The following STK33 variants were observed in gnomAD, a reference collection of about 807,000 sequenced individuals.
The protein encoded by STK33 is serine/threonine kinase 33.
In STK33, 52 loss-of-function variants were observed where a neutral mutation model predicts 58.0. That is an observed-to-expected ratio of 0.90 (90% CI 0.72 to 1.13). The LOEUF is 1.13. STK33 is among the 50% of genes most tolerant of loss of function. STK33 has a pLI of 0.00. For missense variants in STK33, 630 were observed against 604.2 expected (o/e 1.04, Z -0.45); for synonymous variants, 215 against 200.1 (o/e 1.07, Z -0.63).
intron 6 of STK33, among the ~76,000 whole-genome samples, chr11:8,469,460 T>C (rs888025085): frequency 1.3e-5 from 2 of 152,212 alleles, no homozygotes; most frequent in Non-Finnish European, 2.9e-5. Context: ...GTTTCCATTA[T>C]ATCTATAGTT....
chr11:8,526,987 T>C (rs1262418537), intron 1 of STK33, among the ~76,000 whole-genome samples: 2 of 150,652 alleles, frequency 1.3e-5, no homozygotes, highest in Non-Finnish European at 3.0e-5. Flanking sequence ...TTTTTTTTTT[T>C]TGAGATTGAG....
At chr11:8,497,941 G>A (rs987719447) in intron 1 of STK33, among the ~76,000 whole-genome samples, 25 of 152,068 alleles carry the variant, frequency 1.6e-4, no homozygotes, top group Non-Finnish European at 2.8e-4. Flanking sequence ...TTTCCCTTAT[G>A]AGTATAAATG....
chr11:8,415,712 C>T (rs1484282255), intron 14 of STK33, among the ~76,000 whole-genome samples: 3 of 152,064 alleles, frequency 2.0e-5, no homozygotes, highest in Admixed American at 1.3e-4. Flanking sequence ...CTCTAAGAAG[C>T]CTTAAAAAGA....
chr11:8,341,547 T>C, the STK33 span, among the ~76,000 whole-genome samples: 1 of 152,202 alleles, frequency 6.6e-6, no homozygotes, highest in African/African-American at 2.4e-5. Flanking sequence ...GTGTTGGCAA[T>C]ATGCCCTCAA....
intron 11 of STK33, among the ~76,000 whole-genome samples, chr11:8,446,475 G>A (rs1234063979): frequency 4.6e-5 from 7 of 151,748 alleles, no homozygotes; most frequent in African/African-American, 7.3e-5. Context: ...TTAGGGTGTC[G>A]ATTTTAGATC....
the STK33 span, among the ~76,000 whole-genome samples, chr11:8,341,811 T>C: frequency 0.01 from 1,570 of 152,272 alleles, 8 homozygotes; most frequent in Middle Eastern, 0.02. Context: ...GCCTGGAAAA[T>C]GGAATGATAA....
intron 1 of STK33, among the ~76,000 whole-genome samples, chr11:8,564,772 C>T (rs1174889836): frequency 6.6e-6 from 1 of 152,172 alleles, no homozygotes; most frequent in Non-Finnish European, 1.5e-5. Context: ...GGTCTAGCGC[C>T]ACCATCAACA....
intron 1 of STK33, among the ~76,000 whole-genome samples, chr11:8,523,637 G>T (rs953209897): frequency 6.6e-6 from 1 of 151,718 alleles, no homozygotes; most frequent in Admixed American, 6.6e-5. Flanking sequence ...ATCTCCGCCC[G>T]GCAGCTGCCC....
chr11:8,398,709 G>A (rs1258733949), intron 15 of STK33, among the ~76,000 whole-genome samples: 1 of 151,944 alleles, frequency 6.6e-6, no homozygotes, highest in African/African-American at 2.4e-5. Flanking sequence ...GCTGTATTCA[G>A]GAAACTCATC....
intron 15 of STK33, among the ~76,000 whole-genome samples, chr11:8,403,425 A>G (rs1938486909): frequency 6.6e-6 from 1 of 152,228 alleles, no homozygotes; most frequent in African/African-American, 2.4e-5. Flanking sequence ...TCTTCAATCT[A>G]AAAGGTAAAG....
chr11:8,437,157 C>T (rs1591046710), intron 12 of STK33, among the ~76,000 whole-genome samples: 1 of 152,300 alleles, frequency 6.6e-6, no homozygotes, highest in East Asian at 1.9e-4. Flanking sequence ...GCTAAGTGTA[C>T]CTAATGACCA....
chr11:8,524,078 G>A (rs922888799), intron 1 of STK33, among the ~76,000 whole-genome samples: 5 of 152,126 alleles, frequency 3.3e-5, no homozygotes, highest in Admixed American at 6.5e-5. Context: ...GATTAAGGGC[G>A]GTGCAAGATG....
At chr11:8,384,288 G>A in the STK33 span, among the ~76,000 whole-genome samples, 1 of 152,218 alleles carries the variant, frequency 6.6e-6, no homozygotes, top group African/African-American at 2.4e-5. Context: ...GAAGACAAGA[G>A]TGTGAGCCCT....
In STK33 at chr11:8,583,126, A is replaced by C. The variant is rs555209381; in HGVS notation, c.-466+10957T>G. Among the ~76,000 whole-genome samples the C allele has an allele frequency of 5.9e-5, 9 of 152,344 alleles. No homozygotes were observed. In the South Asian group the frequency reaches 1.9e-3, roughly 32 times the overall value. ...AACTTCTTACAGGTCATACGTAATTATGTCATTCTTACAGATACGTCTAGT... is the reference window on the plus strand; with the variant it reads ...AACTTCTTACAGGTCATACGTAATTCTGTCATTCTTACAGATACGTCTAGT... On this transcript the variant is annotated intron_variant, in intron 1 of 15. Transcript: ENST00000687296.
chr11:8,514,165 C>A (rs1057208834), intron 1 of STK33, among the ~76,000 whole-genome samples: 1 of 152,184 alleles, frequency 6.6e-6, no homozygotes, highest in Non-Finnish European at 1.5e-5. Flanking sequence ...TTCTATATGG[C>A]TGAATAGTAC....
intron 1 of STK33, among the ~76,000 whole-genome samples, chr11:8,481,823 G>A (rs796303995): frequency 6.6e-6 from 1 of 152,208 alleles, no homozygotes; most frequent in Admixed American, 6.5e-5. Flanking sequence ...ATTTATTTTG[G>A]TGATGGACCA....
chr11:8,364,401 C>G, the STK33 span, among the ~76,000 whole-genome samples: 1 of 152,190 alleles, frequency 6.6e-6, no homozygotes, highest in East Asian at 1.9e-4. Context: ...GACAAAGAGA[C>G]AACACAACTG....
At chr11:8,403,314 G>T (rs763309518) in intron 15 of STK33, among the ~76,000 whole-genome samples, 3 of 152,176 alleles carry the variant, frequency 2.0e-5, no homozygotes, top group African/African-American at 7.2e-5. Context: ...ATTCGTACCT[G>T]AAACACTGCA....
At chr11:8,464,021 T>C (rs1310242525) in intron 7 of STK33, among the ~76,000 whole-genome samples, 3 of 152,250 alleles carry the variant, frequency 2.0e-5, no homozygotes, top group African/African-American at 7.2e-5. Context: ...ACCTACCATT[T>C]TGTTTTTTAA....
Sources: gnomAD v4.1 joint callset for allele counts (sites outside exome capture counted in the v4.1 genomes callset) on GRCh38, gnomAD v4.1.1 for gene constraint, MANE v1.5 for transcripts, NCBI Gene and HGNC (gene_info 2026-07-23, HGNC 2026-07-21) for gene names.